The following KIAA1143 variants were observed in gnomAD, a reference collection of about 807,000 sequenced individuals.
KIAA1143 encodes KIAA1143.
In KIAA1143, 8 loss-of-function variants were observed where a neutral mutation model predicts 17.0. That is an observed-to-expected ratio of 0.47 (90% CI 0.28 to 0.85). The LOEUF is 0.85. Ranked by LOEUF, KIAA1143 falls within the 40% of genes least tolerant of loss-of-function variation. KIAA1143 has a pLI of 0.12. For synonymous variants in KIAA1143, 64 were observed against 67.8 expected, an observed-to-expected ratio of 0.94 and a Z score of 0.27; for missense variants, 162 against 183.3, an observed-to-expected ratio of 0.88 and a Z score of 0.67.
rs1169588177 is a variant in KIAA1143, at chr3:44,749,797, TTTTA to T, written c.*3540_*3543del. The T allele has an allele frequency of 6.6e-6, 1 of 152,182 alleles. No homozygotes were observed. The highest frequency in any genetic ancestry group is 2.4e-5 in the African/African-American group (1 of 41,428). The allele number at this position is 152,182 out of a possible 1,614,324, so 9.4% of individuals were successfully genotyped here. A position where few individuals can be genotyped will look rare whatever the true frequency, so the allele number is the denominator to read the frequency against. ...TCTTTTTTTAAAATTTATTTCTATT[TTTTA>T]TTTTTTTTGAGACAGTTCTTACTCT... is the stretch of plus-strand genomic sequence containing the variant. On this transcript the variant is annotated 3_prime_UTR_variant, in exon 3 of 3. Coordinates refer to ENST00000296121, the MANE Select transcript of KIAA1143 (RefSeq NM_020696.4).
rs752082166 is a variant in KIAA1143 at position 44,753,502 on chromosome 3, T to G, written c.304A>C (p.Lys102Gln). The change falls in exon 3 of 3, where the codon AAG becomes CAG. Residue 102 changes from lysine (K) to glutamine (Q), a missense_variant. By Grantham distance (53) the Lys-to-Gln change is moderately conservative. Coordinates refer to ENST00000296121, the MANE Select transcript of KIAA1143 (RefSeq NM_020696.4). ...DGRIIYRKPV[K>Q]HPSDEKYSGL... ...GAATATTTTTCATCTGAGGGATGCTTGACTGGTTTTCGATATATGATTCTT... is the reference window on the plus strand; with the variant it reads ...GAATATTTTTCATCTGAGGGATGCTGGACTGGTTTTCGATATATGATTCTT... 1 of 1,612,636 alleles carries G rather than the reference T, an allele frequency of 6.2e-7. No homozygotes were observed. Among genetic ancestry groups the G allele is most frequent in the South Asian group, 1.1e-5 (1 of 91,006 alleles).
chr3:44,759,652 G>C (rs1329485974), intron 1 of KIAA1143, among the ~76,000 whole-genome samples: 2 of 152,058 alleles, frequency 1.3e-5, no homozygotes, highest in Non-Finnish European at 2.9e-5. Flanking sequence ...GAGAGGCTTT[G>C]AGAGGCTAAA....
At chr3:44,756,952 A>G (rs1247385030) in intron 1 of KIAA1143, among the ~76,000 whole-genome samples, 1 of 152,232 alleles carries the variant, frequency 6.6e-6, no homozygotes, top group Non-Finnish European at 1.5e-5. Context: ...GTCTTGGAAC[A>G]TAATGGGGGA....
rs1336581900 is a variant in KIAA1143, at chr3:44,751,021, G to T, written c.*2320C>A. 6.9e-6 allele frequency: 1 copy of T among 145,096 alleles called. No individual in the cohort carries two copies. The highest frequency in any genetic ancestry group is 2.6e-5 in the African/African-American group (1 of 38,856). 9.0% of individuals were successfully genotyped at this position (145,096 alleles called of 1,614,324 possible). ...TTTGTAATAGGGCACAATTGAAACC[G>T]GTTACTTTCTCAGGACTTTGACTGA... is the stretch of plus-strand genomic sequence containing the variant. On this transcript the variant is annotated 3_prime_UTR_variant, in exon 3 of 3. Transcript: ENST00000296121.
rs138195509 is a variant in KIAA1143, at chr3:44,754,851, A to G, written c.109-483T>C. On this transcript the variant is annotated intron_variant, in intron 1 of 2. Transcript: ENST00000296121. The stretch of plus-strand genomic sequence containing the variant: ...ATAGCTTCAGTTTGGTGGATATTCT[A>G]TCAGCTATTTTCCACGTCTATACAA... Among the ~76,000 whole-genome samples, 288 of 152,328 alleles carry G rather than the reference A, an allele frequency of 1.9e-3. 4 individuals carry two copies. Among genetic ancestry groups the G allele is most frequent in the African/African-American group, 6.0e-3 (249 of 41,574 alleles).
Position 44,751,402 on chromosome 3 carries a change from A to C in KIAA1143, c.*1939T>G, listed in dbSNP as rs1417461844. 1 of 152,212 alleles carries C rather than the reference A, an allele frequency of 6.6e-6. No homozygotes were observed. The highest frequency in any genetic ancestry group is 1.5e-5 in the Non-Finnish European group (1 of 68,038). The allele number at this position is 152,212 out of a possible 1,614,324, so 9.4% of individuals were successfully genotyped here. A position where few individuals can be genotyped will look rare whatever the true frequency, so the allele number is the denominator to read the frequency against. ...TCCAAGGATTTTATGGAAAGCCTGG[A>C]TAACATTGCTCAAAGTATTGTCACC... On this transcript the variant is annotated 3_prime_UTR_variant, in exon 3 of 3. Coordinates refer to ENST00000296121, the MANE Select transcript of KIAA1143 (RefSeq NM_020696.4).
At chr3:44,753,883 A>G (rs1256780081) in intron 2 of KIAA1143, among the ~76,000 whole-genome samples, 3 of 152,232 alleles carry the variant, frequency 2.0e-5, no homozygotes, top group Non-Finnish European at 4.4e-5. Flanking sequence ...AATATACTAC[A>G]TATCATACCA....
intron 2 of KIAA1143, among the ~76,000 whole-genome samples, chr3:44,753,853 A>C (rs1459099340): frequency 6.6e-6 from 1 of 152,218 alleles, no homozygotes; most frequent in East Asian, 1.9e-4. Flanking sequence ...CAATGTAGTA[A>C]ATGTTCAGAA....
Position 44,751,068 on chromosome 3 carries a change from A to T in KIAA1143, c.*2273T>A, listed in dbSNP as rs960539495. ...CTGAAATGGCCTTGTGAAATGTTCT[A>T]GCAAAGCCAATCTAGGAGAGTCTAT... On this transcript the variant is annotated 3_prime_UTR_variant, in exon 3 of 3. Coordinates refer to ENST00000296121, the MANE Select transcript of KIAA1143 (RefSeq NM_020696.4). 9.3e-5 allele frequency: 14 copies of T among 151,098 alleles called. No individual in the cohort carries two copies. The highest frequency in any genetic ancestry group is 2.1e-4 in the Non-Finnish European group (14 of 67,806). 9.4% of individuals were successfully genotyped at this position (151,098 alleles called of 1,614,324 possible). A position where few individuals can be genotyped will look rare whatever the true frequency, so the allele number is the denominator to read the frequency against.
chr3:44,761,467 C>T, intron 1 of KIAA1143, 28 bp downstream of exon 1: 1 of 1,571,266 alleles, frequency 6.4e-7, no homozygotes, highest in Non-Finnish European at 8.7e-7. Context: ...GCTGCGCTTC[C>T]GAAGAAACAC....
rs746962230 is a variant in KIAA1143 at position 44,754,336 on chromosome 3, C to A, written c.141G>T (p.Gly47=). Residue 47 remains glycine (G), a synonymous_variant, in exon 2 of 3, where the codon GGG becomes GGT. Coordinates refer to ENST00000296121, the MANE Select transcript of KIAA1143 (RefSeq NM_020696.4). ...RIQPQPPDED[G]DHSDKEDEQP... ...GTTCATCTTCTTTGTCACTGTGATCCCCATCTTCATCTGGGGGCTGAGGCT... is the reference window on the plus strand; with the variant it reads ...GTTCATCTTCTTTGTCACTGTGATCACCATCTTCATCTGGGGGCTGAGGCT... 7 of 1,613,806 alleles carry A rather than the reference C, an allele frequency of 4.3e-6. No individual in the cohort carries two copies. Among genetic ancestry groups the A allele is most frequent in the Non-Finnish European group, 5.9e-6 (7 of 1,179,878 alleles).
chr3:44,760,402 T>C (rs1705066707), intron 1 of KIAA1143, among the ~76,000 whole-genome samples: 1 of 152,238 alleles, frequency 6.6e-6, no homozygotes, highest in African/African-American at 2.4e-5. Flanking sequence ...TTTTTTTCTT[T>C]TTTTTGAGAC....
rs1704879414 is a variant in KIAA1143 at position 44,750,435 on chromosome 3, A to G, written c.*2906T>C. 4 of 150,182 alleles carry G rather than the reference A, an allele frequency of 2.7e-5. No individual in the cohort carries two copies. The highest frequency in any genetic ancestry group is 4.9e-5 in the African/African-American group (2 of 40,724). The allele number at this position is 150,182 out of a possible 1,614,324, so 9.3% of individuals were successfully genotyped here. A position where few individuals can be genotyped will look rare whatever the true frequency, so the allele number is the denominator to read the frequency against. On this transcript the variant is annotated 3_prime_UTR_variant, in exon 3 of 3. Transcript: ENST00000296121. Reference sequence around the variant, plus strand: ...TTCTAAAATTCTGATATGTCTTAATATATGTTGTAATGATTATGTTAAATT... The same window carrying G: ...TTCTAAAATTCTGATATGTCTTAATGTATGTTGTAATGATTATGTTAAATT...
chr3:44,756,914 A>G (rs1171140647), intron 1 of KIAA1143, among the ~76,000 whole-genome samples: 1 of 152,244 alleles, frequency 6.6e-6, no homozygotes, highest in Non-Finnish European at 1.5e-5. Context: ...AACATAGTAT[A>G]TATAGAATTC....
At chr3:44,757,825 G>A (rs146313566) in intron 1 of KIAA1143, among the ~76,000 whole-genome samples, 5 of 152,248 alleles carry the variant, frequency 3.3e-5, no homozygotes, top group Admixed American at 6.5e-5. Flanking sequence ...CAGAGCCTGC[G>A]ACAGTGCATG....
chr3:44,756,874 C>A (rs1267410619), intron 1 of KIAA1143, among the ~76,000 whole-genome samples: 1 of 152,114 alleles, frequency 6.6e-6, no homozygotes, highest in East Asian at 1.9e-4. Flanking sequence ...ATATAGTAAA[C>A]TTCATCATAG....
At position 44,761,547 on chromosome 3, in the gene KIAA1143, G is replaced by C. The variant is rs1310225677; in HGVS notation, c.56C>G (p.Ala19Gly). 1 of 1,614,126 alleles carries C rather than the reference G, an allele frequency of 6.2e-7. No individual in the cohort carries two copies. Among genetic ancestry groups the C allele is most frequent in the East Asian group, 2.2e-5 (1 of 44,864 alleles). ...GTAGCCGACCCGTTCCTTGAAGCGG[G>C]CCAGAAACGCCGGCTCGGCTGGCCG... ...YVRPAEPAFL[A>G]RFKERVGYRE... Residue 19 changes from alanine (A) to glycine (G), a missense_variant, in exon 1 of 3, where the codon GCC (alanine) becomes GGC (glycine). Physicochemically the swap from Ala to Gly is moderately conservative, Grantham distance 60. Around this residue, in one of 2 missense-constraint regions of KIAA1143, gnomAD observed 137 missense variants for 132.5 expected, o/e 1.03. Transcript: ENST00000296121.
In KIAA1143 at chr3:44,751,602, T is replaced by C. The variant is rs1273145425; in HGVS notation, c.*1739A>G. 2 of 152,276 alleles carry C rather than the reference T, an allele frequency of 1.3e-5. No individual in the cohort carries two copies. Among genetic ancestry groups the C allele is most frequent in the East Asian group, 3.9e-4 (2 of 5,184 alleles). The allele number at this position is 152,276 out of a possible 1,614,324, so 9.4% of individuals were successfully genotyped here. The stretch of plus-strand genomic sequence containing the variant: ...CACCTGAAAACTAGCTGACTGGGCC[T>C]CTAAAATATGACAACAGCTGGGGCA... On this transcript the variant is annotated 3_prime_UTR_variant, in exon 3 of 3. Transcript: ENST00000296121.
In KIAA1143 at chr3:44,753,306, A is replaced by G; in HGVS notation, c.*35T>C. ...TGTGATTTTAATGAACACTCCATATACTTTCAAAGTAGACTAAATTCAAAA... is the reference window on the plus strand; with the variant it reads ...TGTGATTTTAATGAACACTCCATATGCTTTCAAAGTAGACTAAATTCAAAA... On this transcript the variant is annotated 3_prime_UTR_variant, in exon 3 of 3. Coordinates refer to ENST00000296121, the MANE Select transcript of KIAA1143 (RefSeq NM_020696.4). 6.7e-7 allele frequency: 1 copy of G among 1,501,100 alleles called. No individual in the cohort carries two copies. Among genetic ancestry groups the G allele is most frequent in the Non-Finnish European group, 9.2e-7 (1 of 1,081,286 alleles). The allele number at this position is 1,501,100 out of a possible 1,614,324, so 93.0% of individuals were successfully genotyped here. A position where few individuals can be genotyped will look rare whatever the true frequency, so the allele number is the denominator to read the frequency against.
Sources: allele counts gnomAD v4.1 joint callset (sites outside exome capture counted in the v4.1 genomes callset), GRCh38; gene constraint gnomAD v4.1.1; regional missense constraint gnomAD v4.1.1; transcripts MANE v1.5; gene names NCBI Gene and HGNC (gene_info 2026-07-23, HGNC 2026-07-21).